UBN2: variants seen among roughly 807,000 people sequenced by gnomAD.
The protein encoded by UBN2 is ubinuclein 2.
In UBN2, 35 loss-of-function variants were observed where a neutral mutation model predicts 120.2. That is an observed-to-expected ratio of 0.29 (90% CI 0.22 to 0.39). The LOEUF (loss-of-function observed/expected upper bound fraction) is 0.39, where lower values mean the gene tolerates loss of function less well. Among genes scored for constraint, UBN2 ranks in the 10% least tolerant of loss-of-function variants. The pLI is 1.00. For missense variants in UBN2, 1,693 were observed against 1,663.2 expected (o/e 1.02, Z -0.31); for synonymous variants, 661 against 648.7 (o/e 1.02, Z -0.29).
chr7:139,322,637 T>TTTTTC, the UBN2 span, among the ~76,000 whole-genome samples: 1 of 150,892 alleles, frequency 6.6e-6, no homozygotes, highest in African/African-American at 2.4e-5. Context: ...TTTTTTTTTT[T>TTTTTC]TGAGACAGAG....
At chr7:139,231,993 C>G (rs1218466400) in intron 1 of UBN2, 41 bp downstream of exon 1, 1 of 1,557,716 alleles carries the variant, frequency 6.4e-7, no homozygotes, top group African/African-American at 1.4e-5. Flanking sequence ...CCCCGGGAGC[C>G]TCAGGACCCG....
At chr7:139,250,109 C>CTT (rs1340811488) in intron 2 of UBN2, among the ~76,000 whole-genome samples, 1 of 152,096 alleles carries the variant, frequency 6.6e-6, no homozygotes, top group Non-Finnish European at 1.5e-5. Flanking sequence ...GGTACCATAG[C>CTT]TTGTGTCTGT....
intron 2 of UBN2, among the ~76,000 whole-genome samples, chr7:139,246,463 A>G (rs1796472673): frequency 6.6e-6 from 1 of 152,244 alleles, no homozygotes; most frequent in Non-Finnish European, 1.5e-5. Flanking sequence ...TTAGAATGGA[A>G]AGGAAGCTGT....
intron 8 of UBN2, among the ~76,000 whole-genome samples, chr7:139,272,120 T>C (rs1234598791): frequency 3.3e-5 from 5 of 152,162 alleles, no homozygotes; most frequent in Non-Finnish European, 7.3e-5. Context: ...TCTTCTTGGC[T>C]AACTGGAATA....
chr7:139,272,529 T>G (rs1222179428), intron 9 of UBN2, 89 bp downstream of exon 9: 1 of 866,500 alleles, frequency 1.2e-6, no homozygotes, highest in Non-Finnish European at 1.8e-6. Context: ...TATGTATGTA[T>G]GTATGTATGT....
At chr7:139,242,006 A>C (rs10453024) in intron 2 of UBN2, among the ~76,000 whole-genome samples, 7,298 of 151,714 alleles carry the variant, frequency 0.048, 295 homozygotes, top group African/African-American at 0.1. Flanking sequence ...TCCCCCCCCC[A>C]AAAAAAGTCT....
At position 139,301,107 on chromosome 7, in the gene UBN2, T is replaced by A. The variant is rs1352483587; in HGVS notation, c.*3271T>A. On this transcript the variant is annotated 3_prime_UTR_variant, in exon 18 of 18. Coordinates refer to ENST00000473989, the MANE Select transcript of UBN2 (RefSeq NM_173569.4). ...GTGCCCACCCCCCCTCTGATGGATG[T>A]TGTTAGCCCAAATTACATTTTTCAT... The A allele has an allele frequency of 6.6e-6, 1 of 152,136 alleles. No individual in the cohort carries two copies. The highest frequency in any genetic ancestry group is 1.9e-4 in the East Asian group (1 of 5,198). 9.4% of individuals were successfully genotyped at this position (152,136 alleles called of 1,614,324 possible).
intron 17 of UBN2, among the ~76,000 whole-genome samples, chr7:139,296,174 A>G (rs1035245482): frequency 4.6e-5 from 7 of 152,214 alleles, no homozygotes; most frequent in African/African-American, 1.7e-4. Context: ...AGCTCAGTTA[A>G]TGTTGATTAA....
chr7:139,312,113 C>T (rs1798456345), downstream of UBN2, among the ~76,000 whole-genome samples: 1 of 152,196 alleles, frequency 6.6e-6, no homozygotes, highest in African/African-American at 2.4e-5. Flanking sequence ...TGTCATCAGT[C>T]AGCTGGAGAA....
chr7:139,249,898 A>T (rs10267224), intron 2 of UBN2, among the ~76,000 whole-genome samples: 14,299 of 151,886 alleles, frequency 0.094, 1,202 homozygotes, highest in Admixed American at 0.21. Flanking sequence ...GACAGGTCTC[A>T]CTGTGTTGCC....
the UBN2 span, among the ~76,000 whole-genome samples, chr7:139,319,321 A>C: frequency 1.3e-5 from 2 of 152,032 alleles, no homozygotes; most frequent in Non-Finnish European, 2.9e-5. Flanking sequence ...GACCTCCAGC[A>C]ATCTACCATC....
intron 13 of UBN2, among the ~76,000 whole-genome samples, chr7:139,281,201 T>C (rs1193251329): frequency 1.3e-5 from 2 of 152,148 alleles, no homozygotes; most frequent in East Asian, 3.8e-4. Context: ...TATGGGGGAG[T>C]CATCAGTTTT....
At chr7:139,254,287 C>T (rs996309605) in intron 3 of UBN2, among the ~76,000 whole-genome samples, 22 of 151,606 alleles carry the variant, frequency 1.5e-4, no homozygotes, top group African/African-American at 3.9e-4. Context: ...AGTGAGACTC[C>T]GTCTCAAAAA....
chr7:139,268,033 C>G (rs1004415672), intron 7 of UBN2, among the ~76,000 whole-genome samples: 1 of 152,236 alleles, frequency 6.6e-6, no homozygotes. Flanking sequence ...AGGTCCTTCT[C>G]TTGTGACTGA....
the UBN2 span, among the ~76,000 whole-genome samples, chr7:139,314,979 T>A: frequency 1.1e-3 from 160 of 150,738 alleles, no homozygotes; most frequent in Middle Eastern, 3.5e-3. Context: ...AATAATAATA[T>A]TATTATTATT....
At chr7:139,244,399 G>A (rs1796406066) in intron 2 of UBN2, among the ~76,000 whole-genome samples, 1 of 152,012 alleles carries the variant, frequency 6.6e-6, no homozygotes, top group Admixed American at 6.6e-5. Flanking sequence ...TAGTGTGGTG[G>A]CTCACACCTG....
At chr7:139,240,287 A>G (rs1452686767) in intron 2 of UBN2, among the ~76,000 whole-genome samples, 1 of 151,358 alleles carries the variant, frequency 6.6e-6, no homozygotes, top group Non-Finnish European at 1.5e-5. Context: ...GTGTGTGTAT[A>G]TGTATATATA....
At chr7:139,252,202 C>A in intron 3 of UBN2, 145 bp downstream of exon 3, 1 of 573,754 alleles carries the variant, frequency 1.7e-6, no homozygotes, top group Non-Finnish European at 2.8e-6. Flanking sequence ...ATTTCTTTAC[C>A]CTTTTTTTTT....
the UBN2 span, among the ~76,000 whole-genome samples, chr7:139,320,075 C>CA: frequency 1.5e-3 from 193 of 130,570 alleles, 1 homozygote; most frequent in Middle Eastern, 4.5e-3. Context: ...GACTCCGTCT[C>CA]AAAAAAAAAA....
Sources: allele counts gnomAD v4.1 joint callset (sites outside exome capture counted in the v4.1 genomes callset), GRCh38; gene constraint gnomAD v4.1.1; transcripts MANE v1.5; gene names NCBI Gene and HGNC (gene_info 2026-07-23, HGNC 2026-07-21).